EZH2: variants seen among roughly 807,000 people sequenced by gnomAD.
EZH2 encodes the protein enhancer of zeste 2 polycomb repressive complex 2 subunit.
EZH2 carries 18 observed loss-of-function variants against 98.4 expected under a neutral mutation model. That is an observed-to-expected ratio of 0.18 (90% CI 0.13 to 0.27). The LOEUF (loss-of-function observed/expected upper bound fraction) is 0.27, where lower values mean the gene tolerates loss of function less well. EZH2 is among the 10% of genes least tolerant of loss of function. EZH2 has a pLI of 1.00. For synonymous variants in EZH2, 338 were observed against 312.3 expected (o/e 1.08, Z -0.87); for missense variants, 470 against 935.1 (o/e 0.50, Z 6.49).
chr7:148,848,786 G>A (rs1387925753), intron 1 of EZH2, among the ~76,000 whole-genome samples: 1 of 152,162 alleles, frequency 6.6e-6, no homozygotes, highest in African/African-American at 2.4e-5. Flanking sequence ...TATAGTATGA[G>A]ATAGACAGAC....
At chr7:148,819,798 T>A in intron 8 of EZH2, 111 bp from the exon 9 acceptor site, 1 of 885,290 alleles carries the variant, frequency 1.1e-6, no homozygotes, top group South Asian at 1.7e-5. Flanking sequence ...TGCTAATATG[T>A]GGTTTACGTT....
intron 1 of EZH2, chr7:148,883,559 G>T (rs1343127516): frequency 4.0e-5 from 6 of 150,182 alleles, no homozygotes; most frequent in Non-Finnish European, 8.9e-5. Flanking sequence ...GGGACCGGGG[G>T]CGTGCGCGAG....
At chr7:148,818,268 G>A in intron 9 of EZH2, 151 bp from the exon 10 acceptor site, 2 of 800,350 alleles carry the variant, frequency 2.5e-6, no homozygotes, top group Non-Finnish European at 3.8e-6. Context: ...TAATATACTT[G>A]TTTTGATATG....
intron 1 of EZH2, among the ~76,000 whole-genome samples, chr7:148,882,580 A>C (rs929471203): frequency 1.3e-5 from 2 of 152,258 alleles, no homozygotes; most frequent in African/African-American, 2.4e-5. Context: ...ACACTTGTAC[A>C]GTATTCCTAA....
intron 4 of EZH2, among the ~76,000 whole-genome samples, chr7:148,831,083 G>C (rs1412903398): frequency 6.6e-6 from 1 of 152,152 alleles, no homozygotes; most frequent in African/African-American, 2.4e-5. Flanking sequence ...TGGCCCACAG[G>C]TAAGAACACG....
At chr7:148,815,568 TAAACC>T in intron 12 of EZH2, 22 bp from the exon 13 acceptor site, 1 of 1,612,750 alleles carries the variant, frequency 6.2e-7, no homozygotes, top group South Asian at 1.1e-5. Flanking sequence ...CAAAGAAAAT[TAAACC>T]AAATTTCTGC....
chr7:148,866,601 T>G (rs1818540344), intron 1 of EZH2, among the ~76,000 whole-genome samples: 1 of 147,120 alleles, frequency 6.8e-6, no homozygotes, highest in South Asian at 2.1e-4. Context: ...ATACACTATA[T>G]ATTATATATA....
chr7:148,825,188 A>C (rs1381538045), intron 8 of EZH2, among the ~76,000 whole-genome samples: 2 of 152,216 alleles, frequency 1.3e-5, no homozygotes, highest in Non-Finnish European at 2.9e-5. Flanking sequence ...CAATAGTCTT[A>C]ATAAAAACTC....
At chr7:148,852,804 T>C (rs1039629773) in intron 1 of EZH2, among the ~76,000 whole-genome samples, 1 of 152,174 alleles carries the variant, frequency 6.6e-6, no homozygotes, top group Non-Finnish European at 1.5e-5. Context: ...TTCCCATCTT[T>C]TTTTTCTTAA....
At chr7:148,882,001 T>C (rs967310226) in intron 1 of EZH2, among the ~76,000 whole-genome samples, 22 of 146,434 alleles carry the variant, frequency 1.5e-4, no homozygotes, top group South Asian at 4.5e-4. Flanking sequence ...CACACACACA[T>C]ATGTATCCTA....
intron 17 of EZH2, among the ~76,000 whole-genome samples, chr7:148,809,994 C>T (rs1368169573): frequency 6.6e-6 from 1 of 152,246 alleles, no homozygotes; most frequent in East Asian, 1.9e-4. Context: ...TCCTTCCCCG[C>T]TCAGAGGCAC....
At chr7:148,829,876 C>G (rs2129477069) in intron 4 of EZH2, 28 bp from the exon 5 acceptor site, 1 of 1,495,702 alleles carries the variant, frequency 6.7e-7, no homozygotes, top group Non-Finnish European at 9.1e-7. Context: ...ATTTAAAAAG[C>G]AGGTTTACTC....
intron 1 of EZH2, among the ~76,000 whole-genome samples, chr7:148,860,151 G>C (rs1050901747): frequency 1.3e-5 from 2 of 151,900 alleles, no homozygotes; most frequent in Non-Finnish European, 2.9e-5. Context: ...AATCTGCTCT[G>C]GTTTTATCAT....
At chr7:148,867,500 T>C (rs577500211) in intron 1 of EZH2, among the ~76,000 whole-genome samples, 7 of 152,298 alleles carry the variant, frequency 4.6e-5, no homozygotes, top group Non-Finnish European at 8.8e-5. Context: ...CACTGACCTA[T>C]GGAAATGATA....
intron 17 of EZH2, 110 bp downstream of exon 17, chr7:148,810,223 C>T: frequency 1.4e-6 from 1 of 712,254 alleles, no homozygotes; most frequent in South Asian, 1.8e-5. Context: ...CTAAGGAGAT[C>T]CTCCTTCTGG....
In EZH2 at chr7:148,834,147, A is replaced by G. The variant is rs145277534; in HGVS notation, c.247-1397T>C. ...CATCTTTGATTCTCTGAAATATGGT[A>G]TAACTCTGTGCCTAAATAACCACAG... On this transcript the variant is annotated intron_variant, in intron 3 of 19. Transcript: ENST00000320356. Among the ~76,000 whole-genome samples the G allele has an allele frequency of 4.0e-3, 614 of 152,254 alleles. 6 individuals carry two copies. Among genetic ancestry groups the G allele is most frequent in the African/African-American group, 0.014 (573 of 41,550 alleles).
chr7:148,809,422 A>C, intron 17 of EZH2, 32 bp from the exon 18 acceptor site: 2 of 1,534,280 alleles, frequency 1.3e-6, no homozygotes, highest in Admixed American at 1.7e-5. Flanking sequence ...CAGCCCAGTG[A>C]ATAATTTCAG....
At chr7:148,819,175 G>T (rs1805334858) in intron 9 of EZH2, 3 of 411,654 alleles carry the variant, frequency 7.3e-6, no homozygotes, top group South Asian at 5.5e-5. Flanking sequence ...AAAAAAATCT[G>T]TGGAACCTAT....
At chr7:148,857,888 A>G (rs1368661829) in intron 1 of EZH2, among the ~76,000 whole-genome samples, 2 of 152,122 alleles carry the variant, frequency 1.3e-5, no homozygotes, top group African/African-American at 2.4e-5. Flanking sequence ...TTTAGAAGTG[A>G]TAACAGAAAC....
Sources: allele counts gnomAD v4.1 joint callset (sites outside exome capture counted in the v4.1 genomes callset), GRCh38; gene constraint gnomAD v4.1.1; transcripts MANE v1.5; gene names NCBI Gene and HGNC (gene_info 2026-07-23, HGNC 2026-07-21).